Variants in C10orf90 observed in about 807,000 individuals in gnomAD.
C10orf90 encodes the protein chromosome 10 open reading frame 90.
C10orf90 carries 56 observed loss-of-function variants against 62.5 expected under a neutral mutation model. That is an observed-to-expected ratio of 0.90 (90% CI 0.72 to 1.12). The LOEUF is 1.12. C10orf90 is among the 50% of genes most tolerant of loss of function. C10orf90 has a pLI of 0.00. For synonymous variants in C10orf90, 386 were observed against 340.4 expected, an observed-to-expected ratio of 1.13 and a Z score of -1.47; for missense variants, 970 against 880.4, an observed-to-expected ratio of 1.10 and a Z score of -1.29.
chr10:126,634,499 A>T (rs2133834329), intron 2 of C10orf90, among the ~76,000 whole-genome samples: 1 of 152,286 alleles, frequency 6.6e-6, no homozygotes, highest in African/African-American at 2.4e-5. Context: ...ATGAGCATAA[A>T]GTTTCAGTCC....
intron 4 of C10orf90, among the ~76,000 whole-genome samples, chr10:126,497,279 C>T (rs957645074): frequency 2.3e-4 from 35 of 151,922 alleles, no homozygotes; most frequent in Non-Finnish European, 5.9e-5. Context: ...AGAGTCAGAG[C>T]GAGACAGGAT....
intron 2 of C10orf90, among the ~76,000 whole-genome samples, chr10:126,579,514 T>A (rs1844701569): frequency 6.6e-6 from 1 of 152,122 alleles, no homozygotes; most frequent in Admixed American, 6.5e-5. Flanking sequence ...GTGCTGGGCT[T>A]AAAGGCATGA....
intron 2 of C10orf90, among the ~76,000 whole-genome samples, chr10:126,557,484 A>AG (rs1864804340): frequency 6.6e-6 from 1 of 151,084 alleles, no homozygotes; most frequent in Non-Finnish European, 1.5e-5. Flanking sequence ...CATCTCAAAA[A>AG]AAAAAAAAAA....
chr10:126,622,987 T>A (rs573515361), intron 2 of C10orf90, among the ~76,000 whole-genome samples: 1 of 152,306 alleles, frequency 6.6e-6, no homozygotes, highest in Admixed American at 6.5e-5. Context: ...TAACATCTGA[T>A]TTCAAAAGGC....
At chr10:126,565,469 C>T (rs1479478480) in intron 2 of C10orf90, among the ~76,000 whole-genome samples, 1 of 119,360 alleles carries the variant, frequency 8.4e-6, no homozygotes, top group Non-Finnish European at 1.6e-5. Context: ...CAAACTTGTG[C>T]ATCAGTCAAT....
chr10:126,587,162 C>A (rs529487533), intron 2 of C10orf90, among the ~76,000 whole-genome samples: 2 of 152,244 alleles, frequency 1.3e-5, no homozygotes, highest in East Asian at 3.9e-4. Context: ...CATCCAGAGG[C>A]CTTACTGTTC....
chr10:126,588,595 G>A (rs1016558115), intron 2 of C10orf90, among the ~76,000 whole-genome samples: 1 of 152,178 alleles, frequency 6.6e-6, no homozygotes, highest in African/African-American at 2.4e-5. Flanking sequence ...CAGCCCTACA[G>A]AAGAGTGGCC....
At chr10:126,492,016 G>A (rs893009462) in intron 4 of C10orf90, among the ~76,000 whole-genome samples, 2 of 152,176 alleles carry the variant, frequency 1.3e-5, no homozygotes, top group African/African-American at 2.4e-5. Flanking sequence ...AAAATTACCA[G>A]AAACAGATAT....
chr10:126,533,144 C>G (rs1030160425), intron 2 of C10orf90, among the ~76,000 whole-genome samples: 9 of 151,806 alleles, frequency 5.9e-5, no homozygotes, highest in Non-Finnish European at 1.2e-4. Flanking sequence ...CCATGTTAGC[C>G]AGGATGTTCC....
At chr10:126,486,008 T>C (rs1861419775) in intron 4 of C10orf90, among the ~76,000 whole-genome samples, 1 of 151,636 alleles carries the variant, frequency 6.6e-6, no homozygotes, top group South Asian at 2.1e-4. Flanking sequence ...ATGGCTCAGC[T>C]GGCAAGAATG....
chr10:126,649,076 C>CCG lies in C10orf90; in HGVS notation c.241-2440_241-2439insCG, dbSNP rs1846238353. 4.8e-5 allele frequency among the ~76,000 whole-genome samples: 2 copies of CCG among 41,972 alleles called. 1 individual carries two copies. The highest frequency in any genetic ancestry group is 1.3e-4 in the Non-Finnish European group (2 of 15,926). The allele number at this position is 41,972 out of a possible 152,430, so 27.5% of individuals were successfully genotyped here. A position where few individuals can be genotyped will look rare whatever the true frequency, so the allele number is the denominator to read the frequency against. On this transcript the variant is annotated intron_variant, in intron 1 of 9. Transcript: ENST00000488181. ...TCTCTCTCTCTCTCTCTCTCTCCCC[C>CCG]CCCCCCAGCAATTCACAATGGATGG...
chr10:126,508,778 G>A (rs1170923474), intron 3 of C10orf90, among the ~76,000 whole-genome samples: 2 of 152,202 alleles, frequency 1.3e-5, no homozygotes, highest in East Asian at 1.9e-4. Context: ...TCTCGGGCGG[G>A]GGCCTCCAGG....
intron 2 of C10orf90, among the ~76,000 whole-genome samples, chr10:126,562,058 C>T (rs770036800): frequency 6.6e-6 from 1 of 152,188 alleles, no homozygotes; most frequent in Non-Finnish European, 1.5e-5. Context: ...GAAGTGCTGA[C>T]AGCGTTCTCT....
chr10:126,630,832 T>A (rs1376228782), intron 2 of C10orf90, among the ~76,000 whole-genome samples: 1 of 152,194 alleles, frequency 6.6e-6, no homozygotes, highest in African/African-American at 2.4e-5. Flanking sequence ...ACCATCCACA[T>A]CCAATGCTCC....
At chr10:126,507,184 T>C (rs1012090978) in intron 3 of C10orf90, among the ~76,000 whole-genome samples, 8 of 151,930 alleles carry the variant, frequency 5.3e-5, no homozygotes, top group Non-Finnish European at 1.0e-4. Flanking sequence ...GGTGAAACTC[T>C]GTCTCTACTA....
chr10:126,482,725 G>A (rs1393722421), intron 4 of C10orf90, among the ~76,000 whole-genome samples: 2 of 152,190 alleles, frequency 1.3e-5, no homozygotes, highest in Non-Finnish European at 2.9e-5. Context: ...TTTCAGGAAG[G>A]AAGCAGCAGA....
chr10:126,504,016 T>A lies in C10orf90; in HGVS notation c.1475A>T (p.His492Leu). 1.9e-6 allele frequency: 3 copies of A among 1,613,936 alleles called. No homozygotes were observed. The highest frequency in any genetic ancestry group is 2.5e-6 in the Non-Finnish European group (3 of 1,180,032). The stretch of plus-strand genomic sequence containing the variant: ...CAGTTGGTTGGCATGATCGCTGGCG[T>A]GACAATGAGTTGTATGGTCCTTTTC... ...KGEKDHTTHC[H>L]ASDHANQLSI... The change falls in exon 4 of 10, where the codon CAC becomes CTC. Residue 492 changes from histidine (H) to leucine (L), a missense_variant. Transcript: ENST00000488181. This position sits in a 1 kb window ranked among gnomAD's most constrained non-coding sequence, Gnocchi z 4.1.
chr10:126,668,069 T>C (rs1390721002), intron 1 of C10orf90, among the ~76,000 whole-genome samples: 1 of 152,026 alleles, frequency 6.6e-6, no homozygotes, highest in African/African-American at 2.4e-5. Flanking sequence ...AGAGGTGGCT[T>C]CTCCAACCAT....
At chr10:126,584,580 C>A (rs10901639) in intron 2 of C10orf90, among the ~76,000 whole-genome samples, 17,794 of 152,078 alleles carry the variant, frequency 0.12, 1,064 homozygotes, top group Admixed American at 0.13. Flanking sequence ...CCGAATGAAG[C>A]CAGCCTGGCC....
Sources: gnomAD v4.1 joint callset for allele counts (sites outside exome capture counted in the v4.1 genomes callset) on GRCh38, gnomAD v4.1.1 for gene constraint, Gnocchi (gnomAD v3.1) non-coding constraint, MANE v1.5 for transcripts, NCBI Gene and HGNC (gene_info 2026-07-23, HGNC 2026-07-21) for gene names.